The following GPC6 variants were observed in gnomAD, a reference collection of about 807,000 sequenced individuals.
The protein encoded by GPC6 is glypican 6.
In GPC6, 14 loss-of-function variants were observed where a neutral mutation model predicts 55.2. That is an observed-to-expected ratio of 0.25 (90% confidence interval 0.17 to 0.40). GPC6 has a LOEUF of 0.40. GPC6 is among the 10% of genes least tolerant of loss of function. The pLI is 1.00. For synonymous variants in GPC6, 278 were observed against 259.6 expected (o/e 1.07, Z -0.68); for missense variants, 641 against 708.5 (o/e 0.90, Z 1.08).
At chr13:93,837,397 C>T (rs1277927448) in intron 3 of GPC6, among the ~76,000 whole-genome samples, 1 of 152,082 alleles carries the variant, frequency 6.6e-6, no homozygotes, top group African/African-American at 2.4e-5. Flanking sequence ...TTGTACCTAT[C>T]GAATATAAAC....
intron 4 of GPC6, among the ~76,000 whole-genome samples, chr13:94,160,175 C>G (rs1888104706): frequency 6.6e-6 from 1 of 152,096 alleles, no homozygotes; most frequent in African/African-American, 2.4e-5. Context: ...TATAATTGTT[C>G]TATTTTATTA....
chr13:93,606,278 A>G (rs1055526588), intron 2 of GPC6, among the ~76,000 whole-genome samples: 3 of 152,166 alleles, frequency 2.0e-5, no homozygotes, highest in African/African-American at 7.2e-5. Flanking sequence ...TTCAATGAAA[A>G]TTTTTATGTG....
chr13:94,287,248 A>G (rs1469785699), intron 5 of GPC6, among the ~76,000 whole-genome samples: 1 of 152,218 alleles, frequency 6.6e-6, no homozygotes, highest in African/African-American at 2.4e-5. Flanking sequence ...TATCCCTTTC[A>G]TGAAACACTA....
intron 2 of GPC6, among the ~76,000 whole-genome samples, chr13:93,603,146 A>T (rs996715771): frequency 6.6e-6 from 1 of 152,012 alleles, no homozygotes; most frequent in Non-Finnish European, 1.5e-5. Context: ...AGTAGCTGGG[A>T]CCACAGGCAC....
chr13:93,689,383 CT>C (rs1882168579), intron 2 of GPC6, among the ~76,000 whole-genome samples: 1 of 151,986 alleles, frequency 6.6e-6, no homozygotes, highest in African/African-American at 2.4e-5. Context: ...AAATGATTAT[CT>C]TTTAAATAAA....
At chr13:93,941,265 G>A (rs1489632039) in intron 3 of GPC6, among the ~76,000 whole-genome samples, 1 of 152,184 alleles carries the variant, frequency 6.6e-6, no homozygotes, top group Admixed American at 6.5e-5. Context: ...AATAGAAGCT[G>A]AAAAGTATAT....
At chr13:94,168,270 G>A (rs1215202364) in intron 4 of GPC6, among the ~76,000 whole-genome samples, 28 of 152,170 alleles carry the variant, frequency 1.8e-4, no homozygotes, top group Non-Finnish European at 1.5e-5. Flanking sequence ...ATACTGGATG[G>A]AGGCTTATCA....
Position 94,405,863 on chromosome 13 carries a change from T to A in GPC6, c.*2646T>A, listed in dbSNP as rs1049854240. 3 of 152,186 alleles carry A rather than the reference T, an allele frequency of 2.0e-5. No individual in the cohort carries two copies. The highest frequency in any genetic ancestry group is 7.2e-5 in the African/African-American group (3 of 41,454). The allele number at this position is 152,186 out of a possible 1,614,324, so 9.4% of individuals were successfully genotyped here. A position where few individuals can be genotyped will look rare whatever the true frequency, so the allele number is the denominator to read the frequency against. ...CCTAGTTTTTATCATCATACTACTA[T>A]GTCATATGATTTTCAGACTAATTTA... is the stretch of plus-strand genomic sequence containing the variant. On this transcript the variant is annotated 3_prime_UTR_variant, in exon 9 of 9. Coordinates refer to ENST00000377047, the MANE Select transcript of GPC6 (RefSeq NM_005708.5).
At chr13:94,068,749 T>A (rs1193480823) in intron 4 of GPC6, among the ~76,000 whole-genome samples, 1 of 152,052 alleles carries the variant, frequency 6.6e-6, no homozygotes, top group Non-Finnish European at 1.5e-5. Flanking sequence ...ATCTTAAAGC[T>A]CCAAAATGAT....
intron 6 of GPC6, among the ~76,000 whole-genome samples, chr13:94,353,750 A>G (rs1033518266): frequency 6.6e-6 from 1 of 152,186 alleles, no homozygotes; most frequent in South Asian, 2.1e-4. Context: ...AGCTAATTAA[A>G]TTTCTTGGGC....
intron 2 of GPC6, among the ~76,000 whole-genome samples, chr13:93,689,089 T>C (rs1229335379): frequency 6.6e-6 from 1 of 152,082 alleles, no homozygotes; most frequent in Non-Finnish European, 1.5e-5. Context: ...AGGGAGTTAT[T>C]TTCTCTACAG....
At chr13:94,087,249 AG>A (rs1351875818) in intron 4 of GPC6, among the ~76,000 whole-genome samples, 1 of 152,242 alleles carries the variant, frequency 6.6e-6, no homozygotes, top group Non-Finnish European at 1.5e-5. Flanking sequence ...CAAGAATCAG[AG>A]GGCGGAGACC....
intron 3 of GPC6, among the ~76,000 whole-genome samples, chr13:94,015,717 A>G (rs1337273599): frequency 6.6e-6 from 1 of 152,136 alleles, no homozygotes; most frequent in Non-Finnish European, 1.5e-5. Flanking sequence ...TTTTGCATGC[A>G]GATATCCAGT....
intron 7 of GPC6, among the ~76,000 whole-genome samples, chr13:94,384,037 C>T (rs963669034): frequency 8.5e-5 from 13 of 152,190 alleles, no homozygotes; most frequent in Non-Finnish European, 1.8e-4. Context: ...ATGGGGATTG[C>T]AATTCAAGAT....
rs577386843 is a variant in GPC6 at position 93,555,544 on chromosome 13, A to G, written c.319+10123A>G. On this transcript the variant is annotated intron_variant, in intron 2 of 8. Transcript: ENST00000377047. ...ATCCATTAACTCTTAGGGTCCATAA[A>G]CCTGGAATTCATATGTGATATCAGC... 2.6e-5 allele frequency among the ~76,000 whole-genome samples: 4 copies of G among 152,302 alleles called. No homozygotes were observed. The South Asian group carries it at 8.3e-4, about 32-fold the overall frequency.
chr13:93,381,556 T>C (rs2139204718), intron 1 of GPC6, among the ~76,000 whole-genome samples: 1 of 152,170 alleles, frequency 6.6e-6, no homozygotes, highest in East Asian at 1.9e-4. Flanking sequence ...TTACAGGAGC[T>C]TGTGGGCAAC....
intron 2 of GPC6, among the ~76,000 whole-genome samples, chr13:93,805,802 T>C (rs1886526894): frequency 1.3e-5 from 2 of 152,212 alleles, no homozygotes; most frequent in African/African-American, 4.8e-5. Flanking sequence ...GCTGCTGGTT[T>C]CAACTTAATT....
intron 3 of GPC6, among the ~76,000 whole-genome samples, chr13:93,868,845 CCAA>C (rs1889046260): frequency 6.6e-6 from 1 of 151,808 alleles, no homozygotes; most frequent in Non-Finnish European, 1.5e-5. Flanking sequence ...TCTCCTCTGG[CCAA>C]CAACAACATT....
chr13:94,133,514 CCT>C (rs1176626653), intron 4 of GPC6, among the ~76,000 whole-genome samples: 1 of 152,080 alleles, frequency 6.6e-6, no homozygotes, highest in Non-Finnish European at 1.5e-5. Context: ...TAACTGAAGA[CCT>C]CTGTTTCCCT....
Sources: gnomAD v4.1 joint callset for allele counts (sites outside exome capture counted in the v4.1 genomes callset) on GRCh38, gnomAD v4.1.1 for gene constraint, MANE v1.5 for transcripts, NCBI Gene and HGNC (gene_info 2026-07-23, HGNC 2026-07-21) for gene names.